OXNAD1: variants seen among roughly 807,000 people sequenced by gnomAD.
OXNAD1 encodes oxidoreductase NAD-binding domain-containing protein 1.
A neutral mutation model predicts 32.9 loss-of-function variants in OXNAD1; 34 were observed. The ratio of observed to expected loss-of-function variants is 1.03; its 90% CI spans 0.79 to 1.38. OXNAD1 has a LOEUF of 1.38. OXNAD1 is among the 40% of genes most tolerant of loss of function. OXNAD1 has a pLI of 0.00. For synonymous variants in OXNAD1, 134 were observed against 135.2 expected, an observed-to-expected ratio of 0.99 and a Z score of 0.06; for missense variants, 407 against 379.4, an observed-to-expected ratio of 1.07 and a Z score of -0.60.
intron 9 of OXNAD1, among the ~76,000 whole-genome samples, chr3:16,328,084 C>T (rs955806178): frequency 6.6e-6 from 1 of 152,264 alleles, no homozygotes; most frequent in Non-Finnish European, 1.5e-5. Context: ...TGCAAAGGCA[C>T]AGCCCCGGCC....
intron 4 of OXNAD1, chr3:16,272,321 A>T: frequency 3.9e-6 from 1 of 259,178 alleles, no homozygotes; most frequent in South Asian, 3.6e-5. Flanking sequence ...CCTTTACCTC[A>T]GTGAGTAACC....
rs556202543 is a variant in OXNAD1 at position 16,325,373 on chromosome 3, G to A, written c.*31-11739G>A. On this transcript the variant is annotated intron_variant, in intron 9 of 9. Transcript: ENST00000435829. ...AACAGGGAGGTGGAGGATTAGGAAG[G>A]ATTATTTAGCAGGTGTGAAGGTCTG... Among the ~76,000 whole-genome samples, 38 of 152,342 alleles carry A rather than the reference G, an allele frequency of 2.5e-4. 1 individual carries two copies. The East Asian group carries it at 5.4e-3, about 22-fold the overall frequency.
At chr3:16,300,485 A>G (rs890740758) in intron 6 of OXNAD1, among the ~76,000 whole-genome samples, 8 of 152,136 alleles carry the variant, frequency 5.3e-5, no homozygotes, top group Admixed American at 1.3e-4. Flanking sequence ...TGAACACAAC[A>G]AAGTGTAATC....
chr3:16,321,097 GC>G lies in OXNAD1; in HGVS notation c.*31-16014del, dbSNP rs1359215426. On this transcript the variant is annotated intron_variant, in intron 9 of 9. Coordinates refer to the OXNAD1 transcript ENST00000435829. This position sits in a 1 kb window ranked among gnomAD's most constrained non-coding sequence, Gnocchi z 4.8. ...ATAGGGGAAGGAGAGGGGAGGGTCA[GC>G]AGGGATAGCCCCTAAGGTGCAATGC... Among the ~76,000 whole-genome samples the G allele has an allele frequency of 3.9e-5, 6 of 152,264 alleles. No individual in the cohort carries two copies. The East Asian group carries it at 9.6e-4, about 24-fold the overall frequency.
rs553746947 is a variant in OXNAD1, at chr3:16,300,881, A to G, written c.433-745A>G. 2.6e-5 allele frequency among the ~76,000 whole-genome samples: 4 copies of G among 152,296 alleles called. No individual in the cohort carries two copies. The South Asian group carries it at 8.3e-4, about 32-fold the overall frequency. ...TTGGATTCCCCAAATCATTGTGACA[A>G]TAAAAAATGTCATCACAAGTTTCCC... On this transcript the variant is annotated intron_variant, in intron 6 of 8. Transcript: ENST00000285083.
chr3:16,312,880 G>GT lies in OXNAD1; in HGVS notation c.*30+9291dup, dbSNP rs1167461744. ...AAAATCTGACAGGCATTTGACTAAT[G>GT]TTTACCTTTTTGTTACTTATAAACC... On this transcript the variant is annotated intron_variant, in intron 9 of 9. Transcript: ENST00000435829. The surrounding 1 kb of genome is among the most constrained non-coding windows in gnomAD (Gnocchi z 4.7). 2.6e-5 allele frequency among the ~76,000 whole-genome samples: 4 copies of GT among 152,114 alleles called. No individual in the cohort carries two copies. The highest frequency in any genetic ancestry group is 9.7e-5 in the African/African-American group (4 of 41,396).
intron 9 of OXNAD1, chr3:16,323,358 G>A (rs762904260): frequency 4.5e-6 from 7 of 1,568,790 alleles, no homozygotes; most frequent in Admixed American, 1.7e-5. Flanking sequence ...ACCTAGGAAG[G>A]CCATCAAAGT....
At chr3:16,285,232 A>G (rs1029887849) in intron 4 of OXNAD1, among the ~76,000 whole-genome samples, 1 of 152,218 alleles carries the variant, frequency 6.6e-6, no homozygotes, top group Non-Finnish European at 1.5e-5. Context: ...ATTTTTGAAA[A>G]TGGTCTCCAC....
In OXNAD1 at chr3:16,336,942, C is replaced by G. The variant is rs150085829; in HGVS notation, c.*31-170C>G. 1.3e-5 allele frequency among the ~76,000 whole-genome samples: 2 copies of G among 152,210 alleles called. No individual in the cohort carries two copies. The highest frequency in any genetic ancestry group is 6.5e-5 in the Admixed American group (1 of 15,290). On this transcript the variant is annotated intron_variant, in intron 9 of 9. Transcript: ENST00000435829. The surrounding 1 kb of genome is among the most constrained non-coding windows in gnomAD (Gnocchi z 6.0). ...GACTTCCCTGTGTCCAGGCCACTTT[C>G]CAACACAGCTCGGCAGCTCCTCCCA...
Position 16,327,996 on chromosome 3 carries a change from C to T in OXNAD1, c.*31-9116C>T, listed in dbSNP as rs2069905080. Among the ~76,000 whole-genome samples the T allele has an allele frequency of 6.6e-6, 1 of 152,344 alleles. No homozygotes were observed. The highest frequency in any genetic ancestry group is 1.9e-4 in the East Asian group (1 of 5,182). ...CTTCTTGTAGTTGGCTTCCGAAAAT[C>T]TCAAACATGTATCCAGATTCCTTCC... On this transcript the variant is annotated intron_variant, in intron 9 of 9. Transcript: ENST00000435829. The surrounding 1 kb of genome is among the most constrained non-coding windows in gnomAD (Gnocchi z 4.2).
intron 6 of OXNAD1, among the ~76,000 whole-genome samples, chr3:16,295,726 T>A (rs1019270226): frequency 6.6e-6 from 1 of 152,320 alleles, no homozygotes; most frequent in Middle Eastern, 3.4e-3. Flanking sequence ...GTCTTCTATA[T>A]TTACCAACAA....
rs115740839 is a variant in OXNAD1, at chr3:16,344,607, C to G, written c.*31-4569C>G. On this transcript the variant is annotated intron_variant, in intron 9 of 9. Coordinates refer to the OXNAD1 transcript ENST00000606098. The surrounding 1 kb of genome is among the most constrained non-coding windows in gnomAD (Gnocchi z 4.4). ...TCTGTGGCCTCCCAGAATCAGGTCTCTTCAGGTCCACCACCTTCTAGATCA... is the reference window on the plus strand; with the variant it reads ...TCTGTGGCCTCCCAGAATCAGGTCTGTTCAGGTCCACCACCTTCTAGATCA... Among the ~76,000 whole-genome samples the G allele has an allele frequency of 8.1e-4, 123 of 152,244 alleles. 1 individual carries two copies. Among genetic ancestry groups the G allele is most frequent in the African/African-American group, 2.8e-3 (117 of 41,542 alleles).
At chr3:16,307,482 G>A (rs1199220455), downstream of OXNAD1, among the ~76,000 whole-genome samples, 1 of 152,224 alleles carries the variant, frequency 6.6e-6, no homozygotes. Flanking sequence ...GATGAGGTCT[G>A]ATGAGTGATC....
chr3:16,332,321 A>T, intron 9 of OXNAD1, among the ~76,000 whole-genome samples: 2 of 135,544 alleles, frequency 1.5e-5, no homozygotes, highest in African/African-American at 5.7e-5. Flanking sequence ...TTTCTGAGAG[A>T]TTTCCTTCAT....
chr3:16,298,656 C>T lies in OXNAD1; in HGVS notation c.433-2970C>T, dbSNP rs1046416839. Among the ~76,000 whole-genome samples the T allele has an allele frequency of 6.6e-6, 1 of 152,158 alleles. No homozygotes were observed. Among genetic ancestry groups the T allele is most frequent in the African/African-American group, 2.4e-5 (1 of 41,438 alleles). ...ACGTGAGTGTCTGGGTGGCAGCAGG[C>T]TGCACCGTTGAGACATGGAATAAAG... On this transcript the variant is annotated intron_variant, in intron 6 of 8. Coordinates refer to ENST00000285083, the MANE Select transcript of OXNAD1 (RefSeq NM_138381.5). This position sits in a 1 kb window ranked among gnomAD's most constrained non-coding sequence, Gnocchi z 5.1.
chr3:16,330,710 T>A (rs1309000416), intron 9 of OXNAD1, among the ~76,000 whole-genome samples: 1 of 152,250 alleles, frequency 6.6e-6, no homozygotes, highest in Admixed American at 6.5e-5. Context: ...TTTATGGCTC[T>A]TTTTTCCTTT....
rs1166708311 is a variant in OXNAD1, at chr3:16,299,494, T to C, written c.433-2132T>C. ...TATTTAAAATAGTGAGGTTCAGACATTTTTTCCCCTGAAAGAGTATCCATT... is the reference window on the plus strand; with the variant it reads ...TATTTAAAATAGTGAGGTTCAGACACTTTTTCCCCTGAAAGAGTATCCATT... On this transcript the variant is annotated intron_variant, in intron 6 of 8. Coordinates refer to ENST00000285083, the MANE Select transcript of OXNAD1 (RefSeq NM_138381.5). The surrounding 1 kb of genome is among the most constrained non-coding windows in gnomAD (Gnocchi z 4.4). Among the ~76,000 whole-genome samples, 1 of 152,216 alleles carries C rather than the reference T, an allele frequency of 6.6e-6. No homozygotes were observed. Among genetic ancestry groups the C allele is most frequent in the Non-Finnish European group, 1.5e-5 (1 of 68,030 alleles).
At chr3:16,294,825 A>G in intron 5 of OXNAD1, 31 bp from the exon 6 acceptor site, 1 of 1,585,450 alleles carries the variant, frequency 6.3e-7, no homozygotes, top group Non-Finnish European at 8.6e-7. Flanking sequence ...AATTGCTTCA[A>G]CAATAATCAT....
rs1160939614 is a variant in OXNAD1 at position 16,345,817 on chromosome 3, T to TGTGTGTGTGTGTGTGTGTGTGTGTGTGC, written c.*31-3358_*31-3357insTGTGTGTGTGTGTGTGTGTGTGTGTGCG. ...GTGTGTGTGTGTGTGTGTGTGTGTG[T>TGTGTGTGTGTGTGTGTGTGTGTGTGTGC]GCGCGCGCGCGTGCGCGCACGCGCA... is the stretch of plus-strand genomic sequence containing the variant. On this transcript the variant is annotated intron_variant, in intron 9 of 9. Transcript: ENST00000606098. The surrounding 1 kb of genome is among the most constrained non-coding windows in gnomAD (Gnocchi z 5.2). Among the ~76,000 whole-genome samples the TGTGTGTGTGTGTGTGTGTGTGTGTGTGC allele has an allele frequency of 1.3e-5, 1 of 74,540 alleles. No individual in the cohort carries two copies. The highest frequency in any genetic ancestry group is 5.5e-5 in the African/African-American group (1 of 18,090). The allele number at this position is 74,540 out of a possible 152,430, so 48.9% of individuals were successfully genotyped here.
Sources: allele counts gnomAD v4.1 joint callset (sites outside exome capture counted in the v4.1 genomes callset), GRCh38; gene constraint gnomAD v4.1.1; non-coding constraint Gnocchi (gnomAD v3.1); transcripts MANE v1.5; gene names NCBI Gene and HGNC (gene_info 2026-07-23, HGNC 2026-07-21).